The following CDK8 variants were observed in gnomAD, a reference collection of about 807,000 sequenced individuals.
CDK8 encodes cyclin dependent kinase 8.
A neutral mutation model predicts 71.5 loss-of-function variants in CDK8; 29 were observed. The observed-to-expected ratio is 0.41, with a 90% CI of 0.30 to 0.55. The LOEUF is 0.55. Ranked by LOEUF, CDK8 falls within the 20% of genes least tolerant of loss-of-function variation. The pLI is 0.37. For synonymous variants in CDK8, 161 were observed against 192.1 expected (o/e 0.84, Z 1.34); for missense variants, 288 against 572.6 (o/e 0.50, Z 5.07).
At chr13:26,358,106 T>C (rs1157303563) in intron 4 of CDK8, among the ~76,000 whole-genome samples, 1 of 151,608 alleles carries the variant, frequency 6.6e-6, no homozygotes, top group Non-Finnish European at 1.5e-5. Context: ...CCATCCTGGC[T>C]AACATGGTGA....
intron 4 of CDK8, among the ~76,000 whole-genome samples, chr13:26,372,358 T>C (rs1294611580): frequency 6.6e-6 from 1 of 152,148 alleles, no homozygotes; most frequent in African/African-American, 2.4e-5. Flanking sequence ...AACCAGTTGT[T>C]TGAAAGGCAC....
At chr13:26,390,619 A>G (rs963186610) in intron 6 of CDK8, among the ~76,000 whole-genome samples, 21 of 152,206 alleles carry the variant, frequency 1.4e-4, no homozygotes, top group Admixed American at 5.9e-4. Context: ...GTCTTACTGA[A>G]GTATGGACTT....
At chr13:26,311,854 C>T (rs1206810683) in intron 1 of CDK8, among the ~76,000 whole-genome samples, 1 of 152,180 alleles carries the variant, frequency 6.6e-6, no homozygotes, top group African/African-American at 2.4e-5. Context: ...ATCAGTCTGA[C>T]CCATTGTCTT....
At chr13:26,325,771 T>A (rs1874992971) in intron 1 of CDK8, among the ~76,000 whole-genome samples, 2 of 152,144 alleles carry the variant, frequency 1.3e-5, no homozygotes, top group African/African-American at 2.4e-5. Flanking sequence ...TGATTATCAG[T>A]GGGGTTCATT....
chr13:26,327,479 G>A (rs1260526709), intron 1 of CDK8, among the ~76,000 whole-genome samples: 1 of 152,200 alleles, frequency 6.6e-6, no homozygotes. Flanking sequence ...TGATACAATT[G>A]TTAACCTGAG....
At chr13:26,347,044 G>A (rs1593278728) in intron 2 of CDK8, among the ~76,000 whole-genome samples, 1 of 152,156 alleles carries the variant, frequency 6.6e-6, no homozygotes, top group East Asian at 1.9e-4. Context: ...TAAAGACATA[G>A]TACTGGGCTT....
At chr13:26,319,469 A>T (rs1593260789) in intron 1 of CDK8, among the ~76,000 whole-genome samples, 1 of 133,496 alleles carries the variant, frequency 7.5e-6, no homozygotes. Flanking sequence ...AACTCCACTT[A>T]AAAAAAAAAA....
At chr13:26,298,321 C>G (rs1469333178) in intron 1 of CDK8, among the ~76,000 whole-genome samples, 1 of 152,030 alleles carries the variant, frequency 6.6e-6, no homozygotes, top group Non-Finnish European at 1.5e-5. Flanking sequence ...AAAAATTGAT[C>G]TCATTGTTAT....
At chr13:26,353,682 CA>C (rs1300396222) in intron 3 of CDK8, 57 bp from the exon 4 acceptor site, 2 of 1,318,130 alleles carry the variant, frequency 1.5e-6, no homozygotes, top group Non-Finnish European at 2.1e-6. Flanking sequence ...AAATATTATA[CA>C]TCAAATTATC....
At chr13:26,342,418 C>A (rs548325604) in intron 2 of CDK8, among the ~76,000 whole-genome samples, 124 of 152,282 alleles carry the variant, frequency 8.1e-4, no homozygotes, top group Non-Finnish European at 5.7e-4. Context: ...CCTTGCCAGA[C>A]TCTTTGGGCT....
chr13:26,302,355 A>T (rs1489576803), intron 1 of CDK8, among the ~76,000 whole-genome samples: 1 of 152,166 alleles, frequency 6.6e-6, no homozygotes, highest in African/African-American at 2.4e-5. Context: ...GGTCTTCCCA[A>T]TTTTTTTGCA....
intron 4 of CDK8, among the ~76,000 whole-genome samples, chr13:26,362,376 G>T (rs116356105): frequency 5.9e-5 from 9 of 152,116 alleles, no homozygotes; most frequent in Non-Finnish European, 1.2e-4. Flanking sequence ...CAGGGAAGCT[G>T]GTTGCATGGT....
intron 1 of CDK8, among the ~76,000 whole-genome samples, chr13:26,322,449 G>T (rs1052279661): frequency 4.6e-5 from 7 of 151,956 alleles, no homozygotes; most frequent in African/African-American, 1.4e-4. Context: ...TTTTGGTAGG[G>T]TGTTACATAT....
chr13:26,254,242 G>A lies in CDK8; in HGVS notation c.-400G>A, dbSNP rs192988039. 5.3e-4 allele frequency: 147 copies of A among 276,662 alleles called. 1 individual carries two copies. Among genetic ancestry groups the A allele is most frequent in the Non-Finnish European group, 9.1e-4 (132 of 144,856 alleles). The allele number at this position is 276,662 out of a possible 1,614,324, so 17.1% of individuals were successfully genotyped here. A position where few individuals can be genotyped will look rare whatever the true frequency, so the allele number is the denominator to read the frequency against. ...GAGCGTGAGGCGTGAGTGCGCGTGTGAGAGGACGAGAGCCCGCCTGGCCGC... is the reference window on the plus strand; with the variant it reads ...GAGCGTGAGGCGTGAGTGCGCGTGTAAGAGGACGAGAGCCCGCCTGGCCGC... On this transcript the variant is annotated 5_prime_UTR_variant, in exon 1 of 13. Transcript: ENST00000381527. This position sits in a 1 kb window ranked among gnomAD's most constrained non-coding sequence, Gnocchi z 6.7.
intron 1 of CDK8, among the ~76,000 whole-genome samples, chr13:26,302,674 A>G (rs943138239): frequency 6.6e-6 from 1 of 152,224 alleles, no homozygotes; most frequent in Non-Finnish European, 1.5e-5. Context: ...ACAAGAAATA[A>G]GATAGATCAT....
intron 1 of CDK8, among the ~76,000 whole-genome samples, chr13:26,312,030 C>G (rs1225017075): frequency 6.6e-6 from 1 of 152,156 alleles, no homozygotes; most frequent in African/African-American, 2.4e-5. Flanking sequence ...AGAGGTGAAG[C>G]CAGCTGGACT....
chr13:26,352,685 TTTAGA>T (rs1873733137), intron 3 of CDK8, among the ~76,000 whole-genome samples: 1 of 152,238 alleles, frequency 6.6e-6, no homozygotes, highest in African/African-American at 2.4e-5. Flanking sequence ...ATGCTGCTAA[TTTAGA>T]TTAGTCATAC....
rs571469521 is a variant in CDK8, at chr13:26,313,301, A to G, written c.129-24266A>G. Among the ~76,000 whole-genome samples the G allele has an allele frequency of 2.8e-4, 42 of 152,338 alleles. No homozygotes were observed. The South Asian group carries it at 8.7e-3, about 32-fold the overall frequency. On this transcript the variant is annotated intron_variant, in intron 1 of 12. Transcript: ENST00000381527. ...TAAGAATGAAAAAGAGGCCTACTAC[A>G]TGTGATAATCTCAAGAAGGGTGGCA...
chr13:26,340,507 A>C (rs917853623), intron 2 of CDK8, among the ~76,000 whole-genome samples: 11 of 152,090 alleles, frequency 7.2e-5, no homozygotes, highest in Admixed American at 1.3e-4. Flanking sequence ...GTTTTTTTTA[A>C]TATTCTTTTT....
Sources: gnomAD v4.1 joint callset for allele counts (sites outside exome capture counted in the v4.1 genomes callset) on GRCh38, gnomAD v4.1.1 for gene constraint, Gnocchi (gnomAD v3.1) non-coding constraint, MANE v1.5 for transcripts, NCBI Gene and HGNC (gene_info 2026-07-23, HGNC 2026-07-21) for gene names.